Variants in DCP1A observed in about 807,000 individuals in gnomAD.
DCP1A encodes the protein decapping mRNA 1A.
In DCP1A, 20 loss-of-function variants were observed where a neutral mutation model predicts 58.0. That is an observed-to-expected ratio of 0.34 (90% confidence interval 0.24 to 0.50). The LOEUF is 0.50. Ranked by LOEUF, DCP1A falls within the 20% of genes least tolerant of loss-of-function variation. The probability of loss-of-function intolerance (pLI) is 0.98; values close to 1 mark genes in which losing one functional copy is unlikely to be tolerated. For missense variants in DCP1A, 613 were observed against 712.2 expected (o/e 0.86, Z 1.59); for synonymous variants, 285 against 275.1 (o/e 1.04, Z -0.36).
At chr3:53,290,597 G>A (rs1486761971) in intron 8 of DCP1A, 194 bp downstream of exon 8, 2 of 664,448 alleles carry the variant, frequency 3.0e-6, no homozygotes, top group South Asian at 1.7e-5. Context: ...TTCACATCCA[G>A]CAGAACTTAA....
At position 53,288,000 on chromosome 3, in the gene DCP1A, G is replaced by A. The variant is rs369219389; in HGVS notation, c.1668+65C>T. On this transcript the variant is annotated intron_variant, in intron 9 of 9. Transcript: ENST00000610213. Reference sequence around the variant, plus strand: ...TACTTTATGAACTGATTCTGTAAGAGGAATTTATAAAATTTCTTTCATTAA... The same window carrying A: ...TACTTTATGAACTGATTCTGTAAGAAGAATTTATAAAATTTCTTTCATTAA... 29 of 1,453,772 alleles carry A rather than the reference G, an allele frequency of 2.0e-5. No homozygotes were observed. In the African/African-American group the frequency reaches 2.4e-4, roughly 12 times the overall value. 90.1% of individuals were successfully genotyped at this position (1,453,772 alleles called of 1,614,324 possible).
At chr3:53,313,255 C>CA (rs1353322683) in intron 4 of DCP1A, among the ~76,000 whole-genome samples, 1 of 152,062 alleles carries the variant, frequency 6.6e-6, no homozygotes, top group Non-Finnish European at 1.5e-5. Context: ...CCCGTCTCTA[C>CA]AAAAAATACA....
chr3:53,296,905 C>A (rs1692511349), intron 6 of DCP1A, among the ~76,000 whole-genome samples: 1 of 152,190 alleles, frequency 6.6e-6, no homozygotes, highest in Admixed American at 6.5e-5. Flanking sequence ...TACCCAGGAG[C>A]AGAATTGCTG....
chr3:53,335,534 C>T (rs782354818), intron 3 of DCP1A, among the ~76,000 whole-genome samples: 20 of 152,176 alleles, frequency 1.3e-4, no homozygotes, highest in African/African-American at 4.3e-4. Context: ...CAGTCATCAA[C>T]GCTTCAAATA....
At position 53,290,749 on chromosome 3, in the gene DCP1A, TAAAAAAAAAAA is replaced by T. The variant is rs61290855; in HGVS notation, c.1449+31_1449+41del. 6.3e-4 allele frequency: 432 copies of T among 682,796 alleles called. 1 individual carries two copies. In the East Asian group the frequency reaches 0.014, roughly 22 times the overall value. 42.3% of individuals were successfully genotyped at this position (682,796 alleles called of 1,614,324 possible). On this transcript the variant is annotated intron_variant, in intron 8 of 9. Transcript: ENST00000610213. ...TCTCACTATGGCACCCGACTAGTCTTAAAAAAAAAAAAAAAAAAAAAAAAAAAAAGCGAGTC... is the reference window on the plus strand; with the variant it reads ...TCTCACTATGGCACCCGACTAGTCTTAAAAAAAAAAAAAAAAAAGCGAGTC...
Position 53,292,470 on chromosome 3 carries a change from T to C in DCP1A, c.982A>G (p.Thr328Ala), listed in dbSNP as rs782704435. The change falls in exon 7 of 10, where the codon ACT becomes GCT. Residue 328 changes from threonine to alanine, a missense_variant. By Grantham distance (58) the Thr-to-Ala change is moderately conservative. This residue lies in a region of DCP1A where 498 missense variants were observed against 556.7 expected (regional missense o/e 0.89). Transcript: ENST00000610213. ...LSPTLPAEAPTAQVPPSLPRN... is the reference protein window; with the variant it reads ...LSPTLPAEAPAAQVPPSLPRN... ...GGTAAGCTGGGGGGAACCTGTGCAG[T>C]AGGAGCTTCAGCTGGCAGAGTGGGA... 9 of 1,613,798 alleles carry C rather than the reference T, an allele frequency of 5.6e-6. No individual in the cohort carries two copies. Among genetic ancestry groups the C allele is most frequent in the South Asian group, 5.5e-5 (5 of 91,080 alleles).
chr3:53,332,408 G>C (rs1249926733), intron 3 of DCP1A, among the ~76,000 whole-genome samples: 4 of 152,178 alleles, frequency 2.6e-5, no homozygotes, highest in Non-Finnish European at 5.9e-5. Flanking sequence ...ACAGGCAAAA[G>C]TTCTTCACAG....
At chr3:53,297,479 A>T (rs1707169113) in intron 6 of DCP1A, among the ~76,000 whole-genome samples, 1 of 151,822 alleles carries the variant, frequency 6.6e-6, no homozygotes. Flanking sequence ...TCCTGCCTCA[A>T]CGTCCCAAGT....
chr3:53,293,509 T>C (rs1707001739), intron 6 of DCP1A, among the ~76,000 whole-genome samples: 1 of 152,198 alleles, frequency 6.6e-6, no homozygotes, highest in Non-Finnish European at 1.5e-5. Flanking sequence ...GGTCTTGCTC[T>C]AACCTGGGCC....
intron 6 of DCP1A, 71 bp downstream of exon 6, chr3:53,304,106 A>G (rs1553687680): frequency 1.8e-6 from 2 of 1,124,974 alleles, no homozygotes; most frequent in African/African-American, 1.6e-5. Flanking sequence ...TCAAACTTGC[A>G]CTCATTAGAA....
chr3:53,301,484 G>A (rs1221097056), intron 6 of DCP1A, among the ~76,000 whole-genome samples: 2 of 152,148 alleles, frequency 1.3e-5, no homozygotes, highest in East Asian at 3.9e-4. Context: ...TGTTGGTCAG[G>A]CTAGTCTCGA....
intron 7 of DCP1A, among the ~76,000 whole-genome samples, chr3:53,291,275 T>A (rs1003123420): frequency 6.6e-6 from 1 of 152,066 alleles, no homozygotes; most frequent in African/African-American, 2.4e-5. Flanking sequence ...TGCATAATAA[T>A]CACATCATGG....
chr3:53,338,809 CA>C (rs1436866334), intron 3 of DCP1A, among the ~76,000 whole-genome samples: 1 of 139,986 alleles, frequency 7.1e-6, no homozygotes, highest in Non-Finnish European at 1.5e-5. Flanking sequence ...TGCAGTGAGC[CA>C]AGATCATGCC....
At chr3:53,345,340 A>G (rs528460869) in intron 1 of DCP1A, among the ~76,000 whole-genome samples, 1 of 152,312 alleles carries the variant, frequency 6.6e-6, no homozygotes, top group Non-Finnish European at 1.5e-5. Flanking sequence ...TAATTTTAAA[A>G]AAGGAAAGGA....
intron 3 of DCP1A, among the ~76,000 whole-genome samples, chr3:53,330,645 C>G (rs1553691165): frequency 6.6e-6 from 1 of 151,780 alleles, no homozygotes; most frequent in African/African-American, 2.4e-5. Context: ...AACCTAAGGA[C>G]TAAAAATATA....
chr3:53,343,225 TAA>T (rs1405755064), intron 2 of DCP1A, among the ~76,000 whole-genome samples: 1 of 152,228 alleles, frequency 6.6e-6, no homozygotes, highest in African/African-American at 2.4e-5. Flanking sequence ...ACAAATAATA[TAA>T]CTAGGATTCA....
chr3:53,288,272 G>C lies in DCP1A; in HGVS notation c.1461C>G (p.Ala487=). The C allele has an allele frequency of 1.2e-6, 2 of 1,609,754 alleles. No individual in the cohort carries two copies. The highest frequency in any genetic ancestry group is 1.7e-6 in the Non-Finnish European group (2 of 1,178,004). Residue 487 remains alanine (A), a synonymous_variant, in exon 9 of 10, where the codon GCC becomes GCG. Coordinates refer to ENST00000610213, the MANE Select transcript of DCP1A (RefSeq NM_018403.7). Reference sequence around the variant, plus strand: ...CAGTGGTCGTTGCAGTAACCAGTGGGGCGCCTGCAACCTGGAGAGTGACAA... The same window carrying C: ...CAGTGGTCGTTGCAGTAACCAGTGGCGCGCCTGCAACCTGGAGAGTGACAA... The part of the protein sequence containing the change: ...VLSSAIPVAG[A]PLVTATTTAV...
At chr3:53,333,677 A>G (rs1337395597) in intron 3 of DCP1A, among the ~76,000 whole-genome samples, 2 of 152,168 alleles carry the variant, frequency 1.3e-5, no homozygotes, top group Admixed American at 1.3e-4. Context: ...GTCAATTACT[A>G]AAGTGGCTTA....
At chr3:53,310,403 G>A (rs1575604181) in intron 5 of DCP1A, among the ~76,000 whole-genome samples, 1 of 152,172 alleles carries the variant, frequency 6.6e-6, no homozygotes, top group East Asian at 1.9e-4. Flanking sequence ...CTCTCAGCCT[G>A]AGTAAGCCAG....
Sources: allele counts gnomAD v4.1 joint callset (sites outside exome capture counted in the v4.1 genomes callset), GRCh38; gene constraint gnomAD v4.1.1; regional missense constraint gnomAD v4.1.1; transcripts MANE v1.5; gene names NCBI Gene and HGNC (gene_info 2026-07-23, HGNC 2026-07-21).